The following PCCA variants were observed in gnomAD, a reference collection of about 807,000 sequenced individuals.
PCCA encodes propionyl-CoA carboxylase subunit alpha.
A neutral mutation model predicts 101.3 loss-of-function variants in PCCA; 74 were observed. The ratio of observed to expected loss-of-function variants is 0.73; its 90% CI spans 0.61 to 0.89. The LOEUF is 0.89. Ranked by LOEUF, PCCA falls within the 40% of genes least tolerant of loss-of-function variation. The pLI is 0.00. For missense variants in PCCA, 891 were observed against 907.0 expected (o/e 0.98, Z 0.23); for synonymous variants, 294 against 313.6 (o/e 0.94, Z 0.66).
intron 16 of PCCA, among the ~76,000 whole-genome samples, chr13:100,316,224 C>T (rs1170049396): frequency 1.3e-5 from 2 of 152,046 alleles, no homozygotes; most frequent in Non-Finnish European, 2.9e-5. Flanking sequence ...TTTGCATAGT[C>T]ATATATAATA....
intron 20 of PCCA, among the ~76,000 whole-genome samples, chr13:100,429,531 A>C (rs2079391269): frequency 6.6e-6 from 1 of 152,046 alleles, no homozygotes; most frequent in Non-Finnish European, 1.5e-5. Context: ...ATTCTTAAAT[A>C]GTATTAAATA....
chr13:100,422,102 C>CTTTCTTTCTTTCTT (rs1567109348), intron 19 of PCCA, among the ~76,000 whole-genome samples: 1 of 120,142 alleles, frequency 8.3e-6, no homozygotes, highest in Non-Finnish European at 1.7e-5. Context: ...TTCTTTCTTT[C>CTTTCTTTCTTTCTT]TTTCTTTCTT....
At chr13:100,359,181 G>T (rs2074300364) in intron 18 of PCCA, among the ~76,000 whole-genome samples, 1 of 151,488 alleles carries the variant, frequency 6.6e-6, no homozygotes, top group African/African-American at 2.4e-5. Flanking sequence ...GGCACTATAA[G>T]TTATCAGGAA....
chr13:100,108,651 C>G (rs1393881983), intron 2 of PCCA, among the ~76,000 whole-genome samples: 1 of 152,188 alleles, frequency 6.6e-6, no homozygotes, highest in Non-Finnish European at 1.5e-5. Context: ...GCATTTAACA[C>G]AATTTGTTGT....
Position 100,368,488 on chromosome 13 carries a change from C to T in PCCA, c.1660C>T (p.Pro554Ser). The change falls in exon 19 of 24, where the codon CCA (proline) becomes TCA (serine). Residue 554 changes from proline to serine, a missense_variant. Coordinates refer to ENST00000376285, the MANE Select transcript of PCCA (RefSeq NM_000282.4). ...QENSRMPVIK[P>S]DIANWELSVK... ...CTACTTCAGAATGCCTGTTATTAAA[C>T]CAGACATAGCCAACTGGGAGCTCTC... 6.3e-7 allele frequency: 1 copy of T among 1,595,894 alleles called. No homozygotes were observed. The highest frequency in any genetic ancestry group is 8.6e-7 in the Non-Finnish European group (1 of 1,164,280).
chr13:100,340,208 CATT>C lies in PCCA; in HGVS notation c.1593_1595del (p.Leu532del), dbSNP rs937519016. The C allele has an allele frequency of 5.0e-6, 8 of 1,611,718 alleles. No individual in the cohort carries two copies. The highest frequency in any genetic ancestry group is 6.8e-6 in the Non-Finnish European group (8 of 1,177,922). ...AACCAGTTATTGGCAATAGCATCAT[CATT>C]GTTTGTGGCATTCCAGTTAAGAGCA... is the stretch of plus-strand genomic sequence containing the variant. On this transcript the variant is annotated inframe_deletion, in exon 18 of 24. Coordinates refer to ENST00000376285, the MANE Select transcript of PCCA (RefSeq NM_000282.4).
At chr13:100,501,873 CAATAAATAAATA>C (rs369191551) in intron 21 of PCCA, among the ~76,000 whole-genome samples, 7 of 150,180 alleles carry the variant, frequency 4.7e-5, no homozygotes, top group Non-Finnish European at 8.9e-5. Flanking sequence ...CACTCCTTCT[CAATAAATAAATA>C]AATAAATAAA....
At chr13:100,188,136 T>C (rs1451744962) in intron 6 of PCCA, among the ~76,000 whole-genome samples, 11 of 152,068 alleles carry the variant, frequency 7.2e-5, no homozygotes, top group Admixed American at 7.2e-4. Context: ...CTACTAAAAA[T>C]ACAAAAAATA....
intron 6 of PCCA, among the ~76,000 whole-genome samples, chr13:100,164,429 A>G (rs2054825026): frequency 6.6e-6 from 1 of 152,202 alleles, no homozygotes; most frequent in Non-Finnish European, 1.5e-5. Context: ...GTTACTAGGT[A>G]AAGCTGGTCT....
At chr13:100,220,705 G>A (rs1231228911) in intron 7 of PCCA, among the ~76,000 whole-genome samples, 1 of 152,072 alleles carries the variant, frequency 6.6e-6, no homozygotes, top group Non-Finnish European at 1.5e-5. Context: ...ACTATCCTTG[G>A]TGAAATGATG....
At chr13:100,314,004 A>G (rs1189870924) in intron 16 of PCCA, among the ~76,000 whole-genome samples, 1 of 151,746 alleles carries the variant, frequency 6.6e-6, no homozygotes, top group Non-Finnish European at 1.5e-5. Flanking sequence ...ATGTCTCTTT[A>G]TTATCTTGCC....
At chr13:100,415,635 G>A (rs2078313927) in intron 19 of PCCA, among the ~76,000 whole-genome samples, 1 of 152,146 alleles carries the variant, frequency 6.6e-6, no homozygotes, top group South Asian at 2.1e-4. Flanking sequence ...GCAGAATACC[G>A]GGGTTTTTAT....
intron 8 of PCCA, among the ~76,000 whole-genome samples, chr13:100,244,678 C>T (rs1431176939): frequency 2.0e-5 from 3 of 151,676 alleles, no homozygotes; most frequent in Non-Finnish European, 4.4e-5. Flanking sequence ...CTGAAATGCA[C>T]TGATTTCCGA....
At chr13:100,475,340 C>G (rs1333864389) in intron 21 of PCCA, among the ~76,000 whole-genome samples, 1 of 152,204 alleles carries the variant, frequency 6.6e-6, no homozygotes. Context: ...CCACCCCTCC[C>G]GCCTGTGGTA....
At chr13:100,170,392 T>C (rs1274640148) in intron 6 of PCCA, among the ~76,000 whole-genome samples, 1 of 152,230 alleles carries the variant, frequency 6.6e-6, no homozygotes, top group Admixed American at 6.5e-5. Context: ...ACTTAAACTT[T>C]TAAATGCATG....
intron 16 of PCCA, among the ~76,000 whole-genome samples, chr13:100,322,513 G>C (rs1034266): frequency 0.62 from 94,253 of 151,626 alleles, 29,498 homozygotes; most frequent in East Asian, 0.77. Context: ...GATATATAAT[G>C]TGCTAATCAT....
At chr13:100,357,269 T>C (rs191052688) in intron 18 of PCCA, among the ~76,000 whole-genome samples, 34 of 152,380 alleles carry the variant, frequency 2.2e-4, no homozygotes, top group Non-Finnish European at 4.7e-4. Flanking sequence ...GTTTTCCTAA[T>C]GGTATAATAG....
intron 19 of PCCA, among the ~76,000 whole-genome samples, chr13:100,382,476 G>A (rs1243243135): frequency 3.9e-5 from 6 of 152,122 alleles, no homozygotes; most frequent in Non-Finnish European, 8.8e-5. Flanking sequence ...TTCTCACTTT[G>A]GGCCACGGTC....
intron 15 of PCCA, among the ~76,000 whole-genome samples, chr13:100,308,714 A>G (rs2066666005): frequency 6.6e-6 from 1 of 152,206 alleles, no homozygotes; most frequent in South Asian, 2.1e-4. Flanking sequence ...ATGTAAAAAT[A>G]TTATACGTTG....
Sources: gnomAD v4.1 joint callset for allele counts (sites outside exome capture counted in the v4.1 genomes callset) on GRCh38, gnomAD v4.1.1 for gene constraint, MANE v1.5 for transcripts, NCBI Gene and HGNC (gene_info 2026-07-23, HGNC 2026-07-21) for gene names.